DPY19L2: variants seen among roughly 807,000 people sequenced by gnomAD.
DPY19L2 encodes probable C-mannosyltransferase DPY19L2.
A neutral mutation model predicts 97.9 loss-of-function variants in DPY19L2; 34 were observed. That is an observed-to-expected ratio of 0.35 (90% CI 0.26 to 0.46). The LOEUF (loss-of-function observed/expected upper bound fraction) is 0.46, where lower values mean the gene tolerates loss of function less well. Ranked by LOEUF, DPY19L2 falls within the 20% of genes least tolerant of loss-of-function variation. The pLI is 1.00. For missense variants in DPY19L2, 623 were observed against 911.4 expected (o/e 0.68, Z 4.07); for synonymous variants, 230 against 307.9 (o/e 0.75, Z 2.65).
rs147254510 is a variant in DPY19L2 at position 63,618,425 on chromosome 12, G to A, written c.1054-197C>T. On this transcript the variant is annotated intron_variant, in intron 9 of 21. Transcript: ENST00000324472. ...ATAAATAAAAATATTTTTTAAATAC[G>A]TATAAAAGCCACAGACTATTAACAA... Among the ~76,000 whole-genome samples the A allele has an allele frequency of 2.7e-3, 404 of 152,026 alleles. 8 individuals are homozygous for A. Among genetic ancestry groups the A allele is most frequent in the Non-Finnish European group, 3.2e-4 (22 of 67,976 alleles).
intron 6 of DPY19L2, among the ~76,000 whole-genome samples, chr12:63,630,397 A>C (rs920983017): frequency 5.9e-5 from 9 of 152,156 alleles, no homozygotes; most frequent in Non-Finnish European, 1.2e-4. Flanking sequence ...GGAAAACAAA[A>C]AAAGGCAGGG....
intron 5 of DPY19L2, among the ~76,000 whole-genome samples, chr12:63,645,781 G>C (rs1179124547): frequency 1.3e-5 from 2 of 152,000 alleles, no homozygotes; most frequent in African/African-American, 4.8e-5. Context: ...GCAATCACTT[G>C]TTGAGAATAT....
chr12:63,629,993 A>C (rs969659794), intron 6 of DPY19L2, among the ~76,000 whole-genome samples: 4 of 152,124 alleles, frequency 2.6e-5, no homozygotes, highest in African/African-American at 7.2e-5. Context: ...GAGAAATAAA[A>C]TCCTTTACAG....
At chr12:63,661,514 T>A in intron 3 of DPY19L2, 33 bp from the exon 4 acceptor site, 1 of 1,430,462 alleles carries the variant, frequency 7.0e-7, no homozygotes, top group Non-Finnish European at 9.3e-7. Context: ...ATTGTCAATG[T>A]AATTAAAACT....
At chr12:63,578,225 T>C (rs1354108530) in intron 19 of DPY19L2, among the ~76,000 whole-genome samples, 1 of 151,942 alleles carries the variant, frequency 6.6e-6, no homozygotes, top group Non-Finnish European at 1.5e-5. Context: ...AAGACAAACT[T>C]TGCAGGTTCT....
At chr12:63,587,752 T>TA (rs1468399537) in intron 16 of DPY19L2, among the ~76,000 whole-genome samples, 1 of 151,890 alleles carries the variant, frequency 6.6e-6, no homozygotes. Flanking sequence ...TGTGTATTTT[T>TA]AGTGGAGACA....
intron 16 of DPY19L2, among the ~76,000 whole-genome samples, chr12:63,590,836 C>T (rs1882772203): frequency 6.6e-6 from 1 of 151,974 alleles, no homozygotes; most frequent in Non-Finnish European, 1.5e-5. Context: ...TGAGATTTAA[C>T]CCGGAACCCT....
chr12:63,654,657 G>C (rs146312512), intron 4 of DPY19L2, among the ~76,000 whole-genome samples: 1 of 152,054 alleles, frequency 6.6e-6, no homozygotes. Flanking sequence ...CATACACACA[G>C]TAATGAAAAG....
intron 16 of DPY19L2, among the ~76,000 whole-genome samples, chr12:63,590,054 G>A (rs2939868): frequency 1.3e-5 from 2 of 151,982 alleles, no homozygotes; most frequent in South Asian, 2.1e-4. Flanking sequence ...CTTGAACCCC[G>A]GAGGCAGAGG....
At chr12:63,636,603 C>A (rs1442484555) in intron 6 of DPY19L2, among the ~76,000 whole-genome samples, 2 of 151,656 alleles carry the variant, frequency 1.3e-5, no homozygotes, top group Non-Finnish European at 2.9e-5. Context: ...AAACAGAAAA[C>A]AAAACAAAAC....
intron 16 of DPY19L2, among the ~76,000 whole-genome samples, chr12:63,584,981 A>G (rs1881536362): frequency 6.6e-6 from 1 of 152,182 alleles, no homozygotes; most frequent in African/African-American, 2.4e-5. Context: ...GTTAAGATGG[A>G]AAAGGCATTA....
At chr12:63,586,935 G>A (rs1592447722) in intron 16 of DPY19L2, among the ~76,000 whole-genome samples, 1 of 151,934 alleles carries the variant, frequency 6.6e-6, no homozygotes, top group East Asian at 1.9e-4. Context: ...GCAGAGAGAA[G>A]TACAAACACA....
intron 11 of DPY19L2, among the ~76,000 whole-genome samples, chr12:63,614,189 T>TTA (rs1887485822): frequency 1.8e-5 from 1 of 55,582 alleles, no homozygotes. Flanking sequence ...AAACTCCGTC[T>TTA]CAAAAAAAAA....
rs1397571115 is a variant in DPY19L2, at chr12:63,668,198, T to C, written c.196A>G (p.Lys66Glu). 6.2e-7 allele frequency: 1 copy of C among 1,613,888 alleles called. No homozygotes were observed. Among genetic ancestry groups the C allele is most frequent in the East Asian group, 2.2e-5 (1 of 44,802 alleles). ...GCCACCACCTCTAGCTCCAAGCCTT[T>C]TCGCTCTTTCAGACTTTGGATCCTC... ...PGRIQSLKER[K>E]GLELEVVAKT... The change falls in exon 1 of 22, where the codon AAA becomes GAA. Residue 66 changes from lysine to glutamate, a missense_variant. By Grantham distance (56) the Lys-to-Glu change is moderately conservative. Around this residue, in one of 6 missense-constraint regions of DPY19L2, gnomAD observed 144 missense variants for 119.4 expected, o/e 1.21. Coordinates refer to ENST00000324472, the MANE Select transcript of DPY19L2 (RefSeq NM_173812.5).
chr12:63,604,342 C>T (rs181533552), intron 12 of DPY19L2, among the ~76,000 whole-genome samples: 52 of 152,232 alleles, frequency 3.4e-4, no homozygotes, highest in African/African-American at 1.1e-3. Context: ...ACTTGGGAAT[C>T]GCTCAGTATC....
chr12:63,633,648 C>CA (rs1261271479), intron 6 of DPY19L2, among the ~76,000 whole-genome samples: 9 of 152,164 alleles, frequency 5.9e-5, no homozygotes, highest in Admixed American at 5.2e-4. Context: ...TTGTGGAAGT[C>CA]AGAGTGGTGA....
chr12:63,665,356 C>A (rs1215511982), intron 2 of DPY19L2, among the ~76,000 whole-genome samples: 2 of 151,870 alleles, frequency 1.3e-5, no homozygotes, highest in African/African-American at 4.8e-5. Flanking sequence ...ACCTGTAATC[C>A]CAGCTACTTG....
chr12:63,634,413 A>C (rs975321217), intron 6 of DPY19L2, among the ~76,000 whole-genome samples: 1 of 152,082 alleles, frequency 6.6e-6, no homozygotes, highest in African/African-American at 2.4e-5. Context: ...CTGCATTTCC[A>C]ACTGAAGTAC....
intron 17 of DPY19L2, among the ~76,000 whole-genome samples, chr12:63,582,736 C>T (rs1189156361): frequency 6.6e-6 from 1 of 152,080 alleles, no homozygotes; most frequent in Non-Finnish European, 1.5e-5. Context: ...CAATTTCTGT[C>T]CTTGCATTAC....
Sources: allele counts gnomAD v4.1 joint callset (sites outside exome capture counted in the v4.1 genomes callset), GRCh38; gene constraint gnomAD v4.1.1; regional missense constraint gnomAD v4.1.1; transcripts MANE v1.5; gene names NCBI Gene and HGNC (gene_info 2026-07-23, HGNC 2026-07-21).